CGA: variants seen among roughly 807,000 people sequenced by gnomAD.
CGA encodes glycoprotein hormones, alpha polypeptide, also known as glycoprotein hormones alpha chain.
CGA carries 4 observed loss-of-function variants against 12.0 expected under a neutral mutation model. That is an observed-to-expected ratio of 0.33 (90% confidence interval 0.16 to 0.76). CGA has a LOEUF of 0.76. Among genes scored for constraint, CGA ranks in the 30% least tolerant of loss-of-function variants. The probability of loss-of-function intolerance (pLI) is 0.60; values close to 1 mark genes in which losing one functional copy is unlikely to be tolerated. For synonymous variants in CGA, 60 were observed against 56.6 expected (o/e 1.06, Z -0.27); for missense variants, 102 against 143.5 (o/e 0.71, Z 1.48).
intron 2 of CGA, 200 bp from the exon 3 acceptor site, chr6:87,086,634 AAATT>A (rs1159261819): frequency 1.8e-6 from 1 of 543,878 alleles, no homozygotes; most frequent in African/African-American, 1.9e-5. Context: ...ACAACAACAA[AAATT>A]AGCCAGACGT....
chr6:87,085,919 T>C (rs1464910768), intron 3 of CGA, 86 bp from the exon 4 acceptor site: 3 of 958,356 alleles, frequency 3.1e-6, no homozygotes, highest in Non-Finnish European at 4.9e-6. Flanking sequence ...TACATAAAAT[T>C]GTTTGCATTC....
chr6:87,086,913 A>G (rs1241916148), intron 2 of CGA, among the ~76,000 whole-genome samples: 1 of 152,204 alleles, frequency 6.6e-6, no homozygotes, highest in Non-Finnish European at 1.5e-5. Flanking sequence ...CCCCATCTCT[A>G]CTAAAAATAC....
At chr6:87,092,045 G>A (rs992597196) in intron 1 of CGA, among the ~76,000 whole-genome samples, 12 of 151,910 alleles carry the variant, frequency 7.9e-5, no homozygotes, top group Non-Finnish European at 1.8e-4. Context: ...AAAGAAGTGG[G>A]CATCTCACTA....
chr6:87,086,524 C>T lies in CGA; in HGVS notation c.89-90G>A, dbSNP rs376830594. 5.2e-5 allele frequency: 67 copies of T among 1,293,130 alleles called. No homozygotes were observed. The South Asian group carries it at 8.7e-4, about 17-fold the overall frequency. The allele number at this position is 1,293,130 out of a possible 1,614,324, so 80.1% of individuals were successfully genotyped here. A position where few individuals can be genotyped will look rare whatever the true frequency, so the allele number is the denominator to read the frequency against. On this transcript the variant is annotated intron_variant, in intron 2 of 3. Transcript: ENST00000627148. ...CAGCACAGTAGCTCACGCCTGTAATCCTAGCACTTTGGGAGGCCTTAGTGG... is the reference window on the plus strand; with the variant it reads ...CAGCACAGTAGCTCACGCCTGTAATTCTAGCACTTTGGGAGGCCTTAGTGG...
chr6:87,085,860 T>G, intron 3 of CGA, 27 bp from the exon 4 acceptor site: 1 of 1,451,614 alleles, frequency 6.9e-7, no homozygotes, highest in South Asian at 1.2e-5. Flanking sequence ...AAAAAACATA[T>G]TATAGATTAG....
intron 1 of CGA, among the ~76,000 whole-genome samples, chr6:87,089,967 A>G (rs574000763): frequency 6.6e-6 from 1 of 152,330 alleles, no homozygotes; most frequent in South Asian, 2.1e-4. Context: ...ATATCTCACT[A>G]TGTGTATGCA....
At chr6:87,094,504 A>G (rs6924373) in intron 1 of CGA, among the ~76,000 whole-genome samples, 59,015 of 152,104 alleles carry the variant, frequency 0.39, 13,834 homozygotes, top group African/African-American at 0.67. Context: ...AAACAACGAC[A>G]TTCAAGAAAT....
chr6:87,091,049 T>A (rs1769424649), intron 1 of CGA, among the ~76,000 whole-genome samples: 1 of 152,176 alleles, frequency 6.6e-6, no homozygotes. Flanking sequence ...ACTAGTTTCC[T>A]TTTTAAACTA....
intron 2 of CGA, among the ~76,000 whole-genome samples, chr6:87,087,089 G>T (rs949692698): frequency 6.6e-6 from 1 of 152,052 alleles, no homozygotes; most frequent in Non-Finnish European, 1.5e-5. Context: ...AAAAGAAAAG[G>T]CAAGGCAAGA....
chr6:87,091,452 G>A (rs768344381), intron 1 of CGA, among the ~76,000 whole-genome samples: 1 of 151,892 alleles, frequency 6.6e-6, no homozygotes, highest in Non-Finnish European at 1.5e-5. Flanking sequence ...AGAATCAGGG[G>A]GAGAAATTAA....
chr6:87,086,127 G>T, intron 3 of CGA, 123 bp downstream of exon 3: 2 of 857,954 alleles, frequency 2.3e-6, no homozygotes, highest in Non-Finnish European at 3.7e-6. Flanking sequence ...TTCCCCACCT[G>T]TACAAATGCT....
intron 3 of CGA, 36 bp from the exon 4 acceptor site, chr6:87,085,869 A>C: frequency 7.4e-7 from 1 of 1,354,580 alleles, no homozygotes; most frequent in South Asian, 1.2e-5. Flanking sequence ...ATTATAGATT[A>C]GATGATAGAT....
intron 1 of CGA, among the ~76,000 whole-genome samples, chr6:87,092,453 C>T (rs1475762829): frequency 6.6e-6 from 1 of 151,422 alleles, no homozygotes; most frequent in East Asian, 1.9e-4. Flanking sequence ...AATGAGGCTG[C>T]AGTGAACTGG....
chr6:87,089,088 T>C (rs1237982760), intron 1 of CGA: 1 of 152,206 alleles, frequency 6.6e-6, no homozygotes, highest in East Asian at 1.9e-4. Flanking sequence ...ACACTATTGA[T>C]ACACACAGCA....
At chr6:87,091,478 A>C (rs1769430695) in intron 1 of CGA, among the ~76,000 whole-genome samples, 2 of 152,230 alleles carry the variant, frequency 1.3e-5, no homozygotes, top group Admixed American at 1.3e-4. Context: ...GCTAGGATTT[A>C]TGCTATTTTG....
chr6:87,095,006 A>T lies in CGA; in HGVS notation c.-8+7T>A, dbSNP rs887901434. ...AAAGTCCCCCAAAATTATTTCATTCATATTACCTTTCTCTGGGCTTTTTGC... is the reference window on the plus strand; with the variant it reads ...AAAGTCCCCCAAAATTATTTCATTCTTATTACCTTTCTCTGGGCTTTTTGC... On this transcript the variant is annotated splice_region_variant and intron_variant, in intron 1 of 3. Coordinates refer to ENST00000627148, the MANE Select transcript of CGA (RefSeq NM_000735.4). 1 of 152,202 alleles carries T rather than the reference A, an allele frequency of 6.6e-6. No individual in the cohort carries two copies. Among genetic ancestry groups the T allele is most frequent in the African/African-American group, 2.4e-5 (1 of 41,442 alleles). 9.4% of individuals were successfully genotyped at this position (152,202 alleles called of 1,614,324 possible).
At chr6:87,091,353 T>C (rs1462717403) in intron 1 of CGA, among the ~76,000 whole-genome samples, 3 of 152,216 alleles carry the variant, frequency 2.0e-5, no homozygotes, top group Non-Finnish European at 4.4e-5. Flanking sequence ...CTTCAAATTC[T>C]AGGTGATTTT....
intron 2 of CGA, among the ~76,000 whole-genome samples, chr6:87,086,895 T>C (rs1369462800): frequency 6.6e-6 from 1 of 152,150 alleles, no homozygotes; most frequent in African/African-American, 2.4e-5. Context: ...CTGGCCAACA[T>C]GGTGAAACCC....
chr6:87,092,338 A>G (rs1286787503), intron 1 of CGA, among the ~76,000 whole-genome samples: 1 of 152,150 alleles, frequency 6.6e-6, no homozygotes. Flanking sequence ...GGAATATAGC[A>G]GTAGTGACAC....
Sources: allele counts gnomAD v4.1 joint callset (sites outside exome capture counted in the v4.1 genomes callset), GRCh38; gene constraint gnomAD v4.1.1; transcripts MANE v1.5; gene names NCBI Gene and HGNC (gene_info 2026-07-23, HGNC 2026-07-21).